Variants in TMEM150B observed in about 807,000 individuals in gnomAD.
The protein encoded by TMEM150B is transmembrane protein 150B, also known as modulator of macroautophagy TMEM150B.
In TMEM150B, 33 loss-of-function variants were observed where a neutral mutation model predicts 25.2. The ratio of observed to expected loss-of-function variants is 1.31; its 90% CI spans 0.99 to 1.75. The LOEUF is 1.75. TMEM150B is among the 40% of genes most tolerant of loss of function. The probability of loss-of-function intolerance (pLI) is 0.00; values close to 1 mark genes in which losing one functional copy is unlikely to be tolerated. For synonymous variants in TMEM150B, 133 were observed against 134.8 expected (o/e 0.99, Z 0.09); for missense variants, 322 against 306.1 (o/e 1.05, Z -0.39).
Position 55,320,294 on chromosome 19 carries a change from C to A in TMEM150B, c.196+97G>T. 4 of 1,504,264 alleles carry A rather than the reference C, an allele frequency of 2.7e-6. No homozygotes were observed. In the South Asian group the frequency reaches 3.9e-5, roughly 15 times the overall value. 93.2% of individuals were successfully genotyped at this position (1,504,264 alleles called of 1,614,324 possible). On this transcript the variant is annotated intron_variant, in intron 5 of 7. Transcript: ENST00000326652. ...CTCCCGGATTTTGGGGAAAGAGGGG[C>A]CTGGGGCATGGACTCCTGGGTTTGA...
chr19:55,320,715 C>A (rs2089179725), intron 3 of TMEM150B, 98 bp from the exon 4 acceptor site: 4 of 1,438,052 alleles, frequency 2.8e-6, no homozygotes. Flanking sequence ...CACCCTCAGA[C>A]CAGGAGTCCA....
intron 7 of TMEM150B, among the ~76,000 whole-genome samples, chr19:55,313,740 C>T (rs928755105): frequency 6.6e-6 from 1 of 152,184 alleles, no homozygotes; most frequent in Admixed American, 6.6e-5. Context: ...TGTCCCGTCC[C>T]TCCTCTGGTT....
intron 6 of TMEM150B, among the ~76,000 whole-genome samples, chr19:55,317,921 C>A (rs2089060539): frequency 6.6e-6 from 1 of 151,956 alleles, no homozygotes. Context: ...CCATCGCACA[C>A]CAGCCTGGGC....
intron 2 of TMEM150B, 103 bp from the exon 3 acceptor site, chr19:55,321,196 T>G (rs562898409): frequency 2.1e-6 from 3 of 1,414,636 alleles, no homozygotes; most frequent in Non-Finnish European, 2.8e-6. Context: ...AGGGGTCTGA[T>G]CTGATTGGCC....
At chr19:55,313,572 C>T (rs886315027) in intron 7 of TMEM150B, among the ~76,000 whole-genome samples, 4 of 152,128 alleles carry the variant, frequency 2.6e-5, no homozygotes, top group African/African-American at 9.7e-5. Flanking sequence ...TCCCCTCCTC[C>T]ACGACAACTC....
In TMEM150B at chr19:55,322,722, G is replaced by C. The variant is rs2089239151; in HGVS notation, c.-132C>G. The stretch of plus-strand genomic sequence containing the variant: ...CTCAGGGAAGAAGGGCTGGCATTCG[G>C]GGTGGGGCTCAGGCAGACATCCTGC... On this transcript the variant is annotated 5_prime_UTR_variant, in exon 2 of 8. Coordinates refer to ENST00000326652, the MANE Select transcript of TMEM150B (RefSeq NM_001282011.2). 18 of 985,348 alleles carry C rather than the reference G, an allele frequency of 1.8e-5. No individual in the cohort carries two copies. Among genetic ancestry groups the C allele is most frequent in the Non-Finnish European group, 2.2e-5 (18 of 830,036 alleles). 61.0% of individuals were successfully genotyped at this position (985,348 alleles called of 1,614,324 possible). A position where few individuals can be genotyped will look rare whatever the true frequency, so the allele number is the denominator to read the frequency against.
At chr19:55,312,166 G>T (rs553093033), downstream of TMEM150B, 4,476 of 582,076 alleles carry the variant, frequency 7.7e-3, 29 homozygotes, top group Non-Finnish European at 9.5e-3. Context: ...ATGTCGGGAG[G>T]GGGGTGGACA....
At chr19:55,324,643 G>A (rs762197511) in intron 1 of TMEM150B, 60 of 889,004 alleles carry the variant, frequency 6.7e-5, no homozygotes, top group African/African-American at 1.6e-4. Context: ...GTGAGACTCC[G>A]TCTCCAAAAA....
chr19:55,323,605 T>C (rs1173644626), intron 1 of TMEM150B, among the ~76,000 whole-genome samples: 1 of 149,692 alleles, frequency 6.7e-6, no homozygotes, highest in Admixed American at 6.7e-5. Flanking sequence ...CGGGTTCAAG[T>C]GATTCTCCTG....
chr19:55,314,824 G>A (rs779018821), intron 7 of TMEM150B, among the ~76,000 whole-genome samples: 7 of 152,150 alleles, frequency 4.6e-5, no homozygotes, highest in African/African-American at 7.2e-5. Flanking sequence ...CAGGAAATAC[G>A]ATCACCATTT....
downstream of TMEM150B, chr19:55,312,429 C>T (rs1162782376): frequency 1.1e-5 from 2 of 186,194 alleles, no homozygotes; most frequent in Non-Finnish European, 2.2e-5. Context: ...GGCCCCTCCT[C>T]CCCTGGTCCT....
chr19:55,320,828 C>CA (rs1030115195), intron 3 of TMEM150B, 141 bp downstream of exon 3: 1 of 1,186,152 alleles, frequency 8.4e-7, no homozygotes, highest in African/African-American at 1.6e-5. Flanking sequence ...CCCTCAGACC[C>CA]AGGAGTCCAG....
chr19:55,320,015 C>A, intron 6 of TMEM150B, 24 bp downstream of exon 6: 2 of 1,613,862 alleles, frequency 1.2e-6, no homozygotes, highest in South Asian at 1.1e-5. Context: ...CCGGGACAGA[C>A]CCTGGGCGCC....
At chr19:55,322,858 G>A in intron 1 of TMEM150B, 115 bp from the exon 2 acceptor site, 2 of 341,296 alleles carry the variant, frequency 5.9e-6, no homozygotes, top group Non-Finnish European at 8.3e-6. Context: ...AACCTCACAG[G>A]CAGCACCGTA....
chr19:55,318,303 A>G (rs973715009), intron 6 of TMEM150B, among the ~76,000 whole-genome samples: 28 of 152,150 alleles, frequency 1.8e-4, no homozygotes, highest in African/African-American at 6.8e-4. Flanking sequence ...TGGAGGTTGC[A>G]GTAAGCCAAG....
Position 55,316,373 on chromosome 19 carries a change from C to A in TMEM150B, c.505+413G>T, listed in dbSNP as rs538040736. On this transcript the variant is annotated intron_variant, in intron 7 of 7. Coordinates refer to ENST00000326652, the MANE Select transcript of TMEM150B (RefSeq NM_001282011.2). ...TCACTCGTAACCACATGATTCCTGGCACAGAGCAGGTGCCCTCAAGGGACT... is the reference window on the plus strand; with the variant it reads ...TCACTCGTAACCACATGATTCCTGGAACAGAGCAGGTGCCCTCAAGGGACT... Among the ~76,000 whole-genome samples, 14 of 152,256 alleles carry A rather than the reference C, an allele frequency of 9.2e-5. No homozygotes were observed. The East Asian group carries it at 2.7e-3, about 29-fold the overall frequency.
At chr19:55,319,489 A>G (rs1289184469) in intron 6 of TMEM150B, 3 of 111,346 alleles carry the variant, frequency 2.7e-5, no homozygotes, top group Non-Finnish European at 5.0e-5. Context: ...CTTATCCCCC[A>G]GGTTTGAGTG....
At chr19:55,324,679 A>G (rs2089290163) in intron 1 of TMEM150B, 1 of 947,628 alleles carries the variant, frequency 1.1e-6, no homozygotes, top group Admixed American at 6.2e-5. Flanking sequence ...AAATAAATAA[A>G]ATAAAAAATA....
At chr19:55,313,083 T>C (rs1284644131) in intron 7 of TMEM150B, 28 bp from the exon 8 acceptor site, 4 of 1,586,414 alleles carry the variant, frequency 2.5e-6, no homozygotes, top group Non-Finnish European at 3.4e-6. Context: ...GCCACACTGC[T>C]ACCGTGACAG....
Sources: allele counts gnomAD v4.1 joint callset (sites outside exome capture counted in the v4.1 genomes callset), GRCh38; gene constraint gnomAD v4.1.1; transcripts MANE v1.5; gene names NCBI Gene and HGNC (gene_info 2026-07-23, HGNC 2026-07-21).